The following MBP variants were observed in gnomAD, a reference collection of about 807,000 sequenced individuals.
The protein encoded by MBP is Golli-MBP.
MBP carries 16 observed loss-of-function variants against 35.8 expected under a neutral mutation model. The ratio of observed to expected loss-of-function variants is 0.45; its 90% CI spans 0.30 to 0.68. The LOEUF (loss-of-function observed/expected upper bound fraction) is 0.68, where lower values mean the gene tolerates loss of function less well. Among genes scored for constraint, MBP ranks in the 30% least tolerant of loss-of-function variants. The pLI is 0.08. For missense variants in MBP, 380 were observed against 404.7 expected, an observed-to-expected ratio of 0.94 and a Z score of 0.52; for synonymous variants, 143 against 159.6, an observed-to-expected ratio of 0.90 and a Z score of 0.78.
At chr18:77,028,235 A>G (rs1046564357) in intron 3 of MBP, among the ~76,000 whole-genome samples, 78 of 137,008 alleles carry the variant, frequency 5.7e-4, no homozygotes, top group African/African-American at 2.0e-3. Context: ...AACAAAGCAC[A>G]TCTTGCACCG....
chr18:77,104,891 TTTC>T (rs1280721667), intron 2 of MBP, among the ~76,000 whole-genome samples: 4 of 152,278 alleles, frequency 2.6e-5, no homozygotes, highest in Admixed American at 6.5e-5. Context: ...CCTCTTTCTC[TTTC>T]TTCTTCTCCG....
intron 3 of MBP, among the ~76,000 whole-genome samples, chr18:77,062,547 G>A (rs1974024531): frequency 6.6e-6 from 1 of 151,260 alleles, no homozygotes; most frequent in Non-Finnish European, 1.5e-5. Flanking sequence ...ATATTTGAAA[G>A]TGTGCTCTAA....
At chr18:76,990,717 GTGCT>G (rs1969854596) in intron 4 of MBP, 1 of 178,550 alleles carries the variant, frequency 5.6e-6, no homozygotes, top group Non-Finnish European at 1.2e-5. Context: ...GGGTGTGTGT[GTGCT>G]TGTTTGTGTG....
chr18:77,024,984 C>T (rs1334517822), intron 3 of MBP, among the ~76,000 whole-genome samples: 1 of 152,212 alleles, frequency 6.6e-6, no homozygotes, highest in Non-Finnish European at 1.5e-5. Flanking sequence ...GCAGAGAGGG[C>T]ATTCCTGAGC....
At chr18:76,983,326 T>C (rs1270727569) in intron 8 of MBP, 1 of 152,212 alleles carries the variant, frequency 6.6e-6, no homozygotes, top group African/African-American at 2.4e-5. Context: ...ACATTCTGAC[T>C]CAGTGAGGCT....
chr18:77,009,991 C>A, intron 4 of MBP: 1 of 1,142,488 alleles, frequency 8.8e-7, no homozygotes, highest in Middle Eastern at 2.7e-4. Context: ...GCCCCAAAGT[C>A]CTCCAGCAAA....
At chr18:77,015,841 A>G (rs1350211814) in intron 4 of MBP, 4 of 985,322 alleles carry the variant, frequency 4.1e-6, no homozygotes, top group Non-Finnish European at 4.8e-6. Flanking sequence ...TCTGTTCCAC[A>G]CTTTATTCAA....
intron 2 of MBP, among the ~76,000 whole-genome samples, chr18:77,103,385 GC>G (rs1976122683): frequency 6.6e-6 from 1 of 152,206 alleles, no homozygotes; most frequent in African/African-American, 2.4e-5. Context: ...ATCTTCAGCA[GC>G]CGGACATTCT....
chr18:77,106,567 C>T (rs1051130589), intron 1 of MBP, among the ~76,000 whole-genome samples: 4 of 152,058 alleles, frequency 2.6e-5, no homozygotes, highest in South Asian at 2.1e-4. Flanking sequence ...CTGGGGCCCA[C>T]GATAAGACTT....
rs190593443 is a variant in MBP at position 77,019,844 on chromosome 18, C to A, written c.140-2576G>T. 2.1e-3 allele frequency among the ~76,000 whole-genome samples: 315 copies of A among 152,250 alleles called. 1 individual carries two copies. The highest frequency in any genetic ancestry group is 7.2e-3 in the African/African-American group (300 of 41,560). On this transcript the variant is annotated intron_variant, in intron 3 of 8. Transcript: ENST00000355994. ...CTGGAAGCCTGCGCGGAATCGGCTC[C>A]CGGTGGCGGAAGCAGCAGGAGAGCG...
At chr18:77,066,970 C>A (rs535116279) in intron 2 of MBP, among the ~76,000 whole-genome samples, 1 of 152,240 alleles carries the variant, frequency 6.6e-6, no homozygotes, top group African/African-American at 2.4e-5. Context: ...CTCCTCTGGG[C>A]CTCCCTTTGC....
intron 3 of MBP, among the ~76,000 whole-genome samples, chr18:77,021,626 G>A (rs1233112744): frequency 6.6e-6 from 1 of 152,036 alleles, no homozygotes; most frequent in Non-Finnish European, 1.5e-5. Context: ...TGGGATTACA[G>A]GCGCCTGCCA....
intron 2 of MBP, among the ~76,000 whole-genome samples, chr18:77,095,866 C>A (rs1218601877): frequency 3.3e-5 from 5 of 152,240 alleles, no homozygotes; most frequent in Non-Finnish European, 7.3e-5. Flanking sequence ...CCGCCATGTG[C>A]ACGCACCATT....
At chr18:77,016,162 T>TTTG (rs1219099356) in intron 4 of MBP, 1 of 984,702 alleles carries the variant, frequency 1.0e-6, no homozygotes, top group Non-Finnish European at 1.2e-6. Flanking sequence ...AGTTTTTTTT[T>TTTG]TTTGTAATAC....
intron 2 of MBP, among the ~76,000 whole-genome samples, chr18:77,084,437 A>C (rs1179777595): frequency 7.3e-6 from 1 of 136,972 alleles, no homozygotes; most frequent in African/African-American, 2.7e-5. Flanking sequence ...CACACCACAC[A>C]CACACACACA....
intron 3 of MBP, among the ~76,000 whole-genome samples, chr18:77,039,875 A>G (rs1346766208): frequency 2.0e-5 from 3 of 152,242 alleles, no homozygotes; most frequent in Non-Finnish European, 4.4e-5. Flanking sequence ...ACCCGAATAC[A>G]GTTCTTACAA....
Position 77,118,756 on chromosome 18 carries a change from C to CCA in MBP, c.-25-13472_-25-13471dup, listed in dbSNP as rs568438098. ...ACCCTTCACAGACACCACACACACA[C>CCA]CACACACACACACTCCAGATGCCAC... On this transcript the variant is annotated intron_variant, in intron 1 of 8. Transcript: ENST00000355994. 1.3e-4 allele frequency among the ~76,000 whole-genome samples: 19 copies of CCA among 149,094 alleles called. 1 individual carries two copies. In the South Asian group the frequency reaches 3.8e-3, roughly 30 times the overall value.
At chr18:77,032,993 A>AG (rs1289966835) in intron 3 of MBP, among the ~76,000 whole-genome samples, 1 of 152,102 alleles carries the variant, frequency 6.6e-6, no homozygotes, top group Non-Finnish European at 1.5e-5. Context: ...TTTGAGGCTG[A>AG]GTCTCACTCT....
chr18:77,089,085 C>T (rs574860108), intron 2 of MBP, among the ~76,000 whole-genome samples: 3 of 152,366 alleles, frequency 2.0e-5, no homozygotes, highest in Admixed American at 6.5e-5. Flanking sequence ...CCTGTCACAT[C>T]CTCCCACGGG....
Sources: gnomAD v4.1 joint callset for allele counts (sites outside exome capture counted in the v4.1 genomes callset) on GRCh38, gnomAD v4.1.1 for gene constraint, MANE v1.5 for transcripts, NCBI Gene and HGNC (gene_info 2026-07-23, HGNC 2026-07-21) for gene names.